The following MRTFA variants were observed in gnomAD, a reference collection of about 807,000 sequenced individuals.
MRTFA encodes the protein myocardin related transcription factor A.
MRTFA carries 20 observed loss-of-function variants against 83.5 expected under a neutral mutation model. The observed-to-expected ratio is 0.24, with a 90% confidence interval of 0.17 to 0.35. MRTFA has a LOEUF of 0.35. Among genes scored for constraint, MRTFA ranks in the 10% least tolerant of loss-of-function variants. The pLI, the probability that MRTFA is intolerant of heterozygous loss-of-function variation, is 1.00. For missense variants in MRTFA, 1,200 were observed against 1,224.7 expected, an observed-to-expected ratio of 0.98 and a Z score of 0.30; for synonymous variants, 659 against 541.2, an observed-to-expected ratio of 1.22 and a Z score of -3.02.
At chr22:40,539,595 C>T (rs144564444) in intron 3 of MRTFA, among the ~76,000 whole-genome samples, 30 of 129,182 alleles carry the variant, frequency 2.3e-4, no homozygotes, top group South Asian at 7.7e-4. Flanking sequence ...CTCCGCCTCC[C>T]GGGTTCAAGC....
intron 2 of MRTFA, among the ~76,000 whole-genome samples, chr22:40,590,711 G>A (rs550839886): frequency 6.7e-6 from 1 of 150,026 alleles, no homozygotes; most frequent in African/African-American, 2.4e-5. Flanking sequence ...AAGCTCAAGT[G>A]TATGACAATA....
At chr22:40,457,470 G>A (rs2053611441) in intron 4 of MRTFA, among the ~76,000 whole-genome samples, 1 of 146,040 alleles carries the variant, frequency 6.8e-6, no homozygotes, top group Admixed American at 6.8e-5. Flanking sequence ...AAGAAAGAAA[G>A]AAAGAAAGAA....
chr22:40,566,386 AT>A (rs1261286872), intron 2 of MRTFA, among the ~76,000 whole-genome samples: 1 of 151,850 alleles, frequency 6.6e-6, no homozygotes, highest in Admixed American at 6.6e-5. Context: ...CACCTGGCTA[AT>A]TTTTTTGCAT....
chr22:40,519,381 G>A, intron 3 of MRTFA: 1 of 1,290,060 alleles, frequency 7.8e-7, no homozygotes, highest in Non-Finnish European at 1.0e-6. Context: ...AGGGTTTTGT[G>A]TAATATTTCA....
chr22:40,620,558 G>A (rs2056510650), intron 1 of MRTFA, among the ~76,000 whole-genome samples: 1 of 151,396 alleles, frequency 6.6e-6, no homozygotes, highest in South Asian at 2.1e-4. Context: ...ACAGGTATGA[G>A]CCACTGCACC....
intron 3 of MRTFA, among the ~76,000 whole-genome samples, chr22:40,519,070 G>C (rs886703700): frequency 6.6e-6 from 1 of 150,602 alleles, no homozygotes; most frequent in Non-Finnish European, 1.5e-5. Flanking sequence ...AGAGTGTAGT[G>C]GCAGGATCTT....
chr22:40,616,938 C>CAA (rs1417242622), intron 1 of MRTFA, among the ~76,000 whole-genome samples: 1 of 151,170 alleles, frequency 6.6e-6, no homozygotes, highest in African/African-American at 2.4e-5. Context: ...AAATATTCTA[C>CAA]AAAAAAATAC....
chr22:40,537,772 G>A (rs2055209418), intron 3 of MRTFA, among the ~76,000 whole-genome samples: 1 of 30,582 alleles, frequency 3.3e-5, no homozygotes, highest in African/African-American at 1.8e-4. Context: ...GGAGGTGGGG[G>A]GGTCAGCCCC....
At chr22:40,507,189 ATCTC>A (rs1450272269) in intron 3 of MRTFA, among the ~76,000 whole-genome samples, 2 of 152,076 alleles carry the variant, frequency 1.3e-5, no homozygotes, top group Admixed American at 6.6e-5. Context: ...GCAAAACCCC[ATCTC>A]TACAAAAAAT....
intron 11 of MRTFA, among the ~76,000 whole-genome samples, chr22:40,420,002 A>C (rs1569253274): frequency 6.6e-6 from 1 of 152,180 alleles, no homozygotes; most frequent in Non-Finnish European, 1.5e-5. Context: ...AGTCCTGTCT[A>C]CACTGACCAG....
At chr22:40,601,361 T>C (rs923911427) in intron 1 of MRTFA, among the ~76,000 whole-genome samples, 4 of 152,104 alleles carry the variant, frequency 2.6e-5, no homozygotes. Flanking sequence ...ACTACAGGCA[T>C]GTGCCACCAT....
At chr22:40,482,164 T>C (rs749742287) in intron 3 of MRTFA, among the ~76,000 whole-genome samples, 25 of 152,114 alleles carry the variant, frequency 1.6e-4, no homozygotes, top group Non-Finnish European at 2.8e-4. Flanking sequence ...TCTCAATGGC[T>C]ATTTGAGATA....
chr22:40,577,235 T>TAAAAAAAAAAAAAAAAAAAAAAATAAA (rs760829183), intron 2 of MRTFA, among the ~76,000 whole-genome samples: 1 of 64,442 alleles, frequency 1.6e-5, no homozygotes, highest in African/African-American at 6.0e-5. Context: ...GACCCTTGTC[T>TAAAAAAAAAAAAAAAAAAAAAAATAAA]AAAAAAAAAA....
intron 3 of MRTFA, among the ~76,000 whole-genome samples, chr22:40,491,860 T>C (rs1461971715): frequency 6.6e-6 from 1 of 152,160 alleles, no homozygotes; most frequent in Non-Finnish European, 1.5e-5. Context: ...ATACAAATCC[T>C]GGGAGAATAA....
intron 5 of MRTFA, among the ~76,000 whole-genome samples, chr22:40,432,386 A>C (rs2147095884): frequency 6.6e-6 from 1 of 152,288 alleles, no homozygotes; most frequent in South Asian, 2.1e-4. Context: ...GCAAAGCTCT[A>C]GTTCCTCAAA....
At chr22:40,446,933 T>G (rs1403698818) in intron 4 of MRTFA, among the ~76,000 whole-genome samples, 2 of 152,174 alleles carry the variant, frequency 1.3e-5, no homozygotes, top group Non-Finnish European at 2.9e-5. Flanking sequence ...TGAAGAAAGA[T>G]ATACATAAAA....
At chr22:40,550,048 C>CA (rs3044559) in intron 3 of MRTFA, among the ~76,000 whole-genome samples, 7,668 of 129,704 alleles carry the variant, frequency 0.059, 293 homozygotes, top group Middle Eastern at 0.12. Flanking sequence ...GACTCTGTTG[C>CA]AAAAAAAAAA....
intron 2 of MRTFA, among the ~76,000 whole-genome samples, chr22:40,588,579 C>T (rs2056067955): frequency 1.3e-5 from 2 of 152,134 alleles, no homozygotes; most frequent in Non-Finnish European, 2.9e-5. Context: ...GGTAACTGTA[C>T]TTAGATCAAT....
At chr22:40,581,576 T>C (rs2055948064) in intron 2 of MRTFA, among the ~76,000 whole-genome samples, 1 of 152,176 alleles carries the variant, frequency 6.6e-6, no homozygotes, top group Non-Finnish European at 1.5e-5. Context: ...GCCAACTTTA[T>C]AGTTTTATTA....
Sources: gnomAD v4.1 joint callset for allele counts (sites outside exome capture counted in the v4.1 genomes callset) on GRCh38, gnomAD v4.1.1 for gene constraint, MANE v1.5 for transcripts, NCBI Gene and HGNC (gene_info 2026-07-23, HGNC 2026-07-21) for gene names.